The following PODXL2 variants were observed in gnomAD, a reference collection of about 807,000 sequenced individuals.
PODXL2 encodes podocalyxin like 2.
In PODXL2, 17 loss-of-function variants were observed where a neutral mutation model predicts 53.4. The observed-to-expected ratio is 0.32, with a 90% CI of 0.22 to 0.48. PODXL2 has a LOEUF of 0.48. Ranked by LOEUF, PODXL2 falls within the 20% of genes least tolerant of loss-of-function variation. The pLI is 0.99. For missense variants in PODXL2, 673 were observed against 760.0 expected, an observed-to-expected ratio of 0.89 and a Z score of 1.35; for synonymous variants, 311 against 306.7, an observed-to-expected ratio of 1.01 and a Z score of -0.15.
chr3:127,671,761 G>C (rs1001293921), intron 7 of PODXL2, 148 bp downstream of exon 7: 2 of 739,824 alleles, frequency 2.7e-6, no homozygotes, highest in Non-Finnish European at 4.5e-6. Flanking sequence ...ACTGCTGACT[G>C]CTCTGCAGGG....
intron 2 of PODXL2, among the ~76,000 whole-genome samples, chr3:127,655,687 C>T (rs1332555962): frequency 2.6e-5 from 4 of 152,186 alleles, no homozygotes; most frequent in African/African-American, 9.7e-5. Flanking sequence ...ATCTTGAGAG[C>T]TGGTAAGGAA....
At position 127,662,202 on chromosome 3, in the gene PODXL2, G is replaced by A. The variant is rs769890106; in HGVS notation, c.1132-35G>A. Reference sequence around the variant, plus strand: ...TCCCCTGTCCCTTTCCTATGCCTTCGTAACTGTCGCCCTTCTTTCTGTCTC... The same window carrying A: ...TCCCCTGTCCCTTTCCTATGCCTTCATAACTGTCGCCCTTCTTTCTGTCTC... On this transcript the variant is annotated intron_variant, in intron 3 of 7. Transcript: ENST00000342480. 14 of 1,592,314 alleles carry A rather than the reference G, an allele frequency of 8.8e-6. No individual in the cohort carries two copies. The Middle Eastern group carries it at 5.0e-4, about 57-fold the overall frequency.
In PODXL2 at chr3:127,661,066, C is replaced by T. The variant is rs79302738; in HGVS notation, c.1038C>T (p.Ser346=). The T allele has an allele frequency of 3.5e-3, 5,594 of 1,614,234 alleles. 115 individuals are homozygous for T. In the African/African-American group the frequency reaches 0.035, roughly 10 times the overall value. ...CTGGAGACATGGAACTGACACCTTC[C>T]TCTGCTACCTTGGGACAAGAAGATC... ...LAPGDMELTP[S]SATLGQEDLN... is the part of the protein sequence containing the mutation. Residue 346 remains serine, a synonymous_variant, in exon 3 of 8, where the codon TCC becomes TCT. Transcript: ENST00000342480.
At chr3:127,652,879 G>A (rs373302043) in intron 2 of PODXL2, among the ~76,000 whole-genome samples, 2 of 152,242 alleles carry the variant, frequency 1.3e-5, no homozygotes, top group African/African-American at 4.8e-5. Context: ...AGCTGTCCAC[G>A]GCAGCAGGGC....
chr3:127,650,312 A>G (rs1414279238), intron 2 of PODXL2, among the ~76,000 whole-genome samples: 1 of 152,176 alleles, frequency 6.6e-6, no homozygotes, highest in Non-Finnish European at 1.5e-5. Context: ...GAAATATAGG[A>G]GGGAAAAATG....
At chr3:127,639,888 A>G (rs909521963) in intron 2 of PODXL2, among the ~76,000 whole-genome samples, 3 of 152,264 alleles carry the variant, frequency 2.0e-5, no homozygotes, top group Non-Finnish European at 4.4e-5. Flanking sequence ...ATGCTCAGTC[A>G]TGATTCAGAC....
At chr3:127,648,851 G>T (rs966437938) in intron 2 of PODXL2, among the ~76,000 whole-genome samples, 1 of 141,634 alleles carries the variant, frequency 7.1e-6, no homozygotes, top group Non-Finnish European at 1.5e-5. Flanking sequence ...GGAGTGCACT[G>T]GTGCGATCTC....
intron 2 of PODXL2, among the ~76,000 whole-genome samples, chr3:127,645,723 G>A (rs1559874435): frequency 6.6e-6 from 1 of 152,252 alleles, no homozygotes; most frequent in Non-Finnish European, 1.5e-5. Flanking sequence ...GGACATGACA[G>A]AAGAGAAAGT....
chr3:127,629,593 C>T lies in PODXL2; in HGVS notation c.70+304C>T, dbSNP rs563485773. Among the ~76,000 whole-genome samples, 343 of 151,172 alleles carry T rather than the reference C, an allele frequency of 2.3e-3. 2 individuals carry two copies. The highest frequency in any genetic ancestry group is 7.9e-3 in the African/African-American group (327 of 41,288). On this transcript the variant is annotated intron_variant, in intron 1 of 7. Coordinates refer to ENST00000342480, the MANE Select transcript of PODXL2 (RefSeq NM_015720.4). This position sits in a 1 kb window ranked among gnomAD's most constrained non-coding sequence, Gnocchi z 6.4. The stretch of plus-strand genomic sequence containing the variant: ...GTGCGCAGGCTGCTGCCTCGCGGGC[C>T]GGGGGGGCGCGCACGTGTGGGTGTG...
At chr3:127,663,768 C>A (rs989485472) in intron 4 of PODXL2, among the ~76,000 whole-genome samples, 1 of 152,194 alleles carries the variant, frequency 6.6e-6, no homozygotes, top group African/African-American at 2.4e-5. Flanking sequence ...CCCTCATTCC[C>A]TTCATTGGGA....
intron 1 of PODXL2, among the ~76,000 whole-genome samples, chr3:127,635,345 C>A (rs746613140): frequency 2.6e-5 from 4 of 152,196 alleles, no homozygotes; most frequent in Non-Finnish European, 5.9e-5. Context: ...TAGAAACTGA[C>A]CCTTTTGGGG....
chr3:127,672,449 C>G lies in PODXL2; in HGVS notation c.1787C>G (p.Ser596Trp). The G allele has an allele frequency of 6.5e-7, 1 of 1,534,936 alleles. No homozygotes were observed. The highest frequency in any genetic ancestry group is 8.7e-7 in the Non-Finnish European group (1 of 1,143,054). ...LMGGKRDPED[S>W]DVFEEDTHL The stretch of plus-strand genomic sequence containing the variant: ...GGGGGCAAGCGGGACCCCGAGGACT[C>G]GGACGTGTTCGAGGAGGACACGCAC... Residue 596 changes from serine to tryptophan, a missense_variant, in exon 8 of 8, where the codon TCG becomes TGG. Physicochemically the swap from Ser to Trp is radical, Grantham distance 177. This residue lies in a region of PODXL2 where 79 missense variants were observed against 70.5 expected (regional missense o/e 1.12). Coordinates refer to ENST00000342480, the MANE Select transcript of PODXL2 (RefSeq NM_015720.4).
chr3:127,645,789 G>A (rs2074648391), intron 2 of PODXL2, among the ~76,000 whole-genome samples: 1 of 152,224 alleles, frequency 6.6e-6, no homozygotes, highest in Non-Finnish European at 1.5e-5. Flanking sequence ...GGCAGCCCAG[G>A]GGACAGTGGC....
At chr3:127,634,658 G>A (rs889064866) in intron 1 of PODXL2, among the ~76,000 whole-genome samples, 2 of 152,006 alleles carry the variant, frequency 1.3e-5, no homozygotes, top group Non-Finnish European at 2.9e-5. Flanking sequence ...CCTGAGAGGC[G>A]GAGGTTGCAG....
intron 1 of PODXL2, among the ~76,000 whole-genome samples, chr3:127,631,938 G>A (rs1037749050): frequency 2.6e-5 from 4 of 152,202 alleles, no homozygotes; most frequent in African/African-American, 9.7e-5. Flanking sequence ...CAAAATCTTT[G>A]CCAATTCCTA....
chr3:127,654,906 G>C (rs2074712312), intron 2 of PODXL2, among the ~76,000 whole-genome samples: 1 of 152,102 alleles, frequency 6.6e-6, no homozygotes, highest in Non-Finnish European at 1.5e-5. Context: ...TTGCCAACAT[G>C]GCAAAACCCC....
intron 2 of PODXL2, among the ~76,000 whole-genome samples, chr3:127,642,593 G>A (rs1576428144): frequency 6.6e-6 from 1 of 151,926 alleles, no homozygotes; most frequent in Non-Finnish European, 1.5e-5. Flanking sequence ...GAGAATGAAC[G>A]CCGCACCCCC....
Position 127,660,671 on chromosome 3 carries a change from C to G in PODXL2, c.643C>G (p.Pro215Ala). The change falls in exon 3 of 8, where the codon CCA (proline) becomes GCA (alanine). Residue 215 changes from proline to alanine, a missense_variant. This residue lies in a region of PODXL2 where 588 missense variants were observed against 668.3 expected (regional missense o/e 0.88). Transcript: ENST00000342480. ...TTCTCTCACCAGCAGCAGCCAGACC[C>G]CAGGGGCCACCAAAAGCAGGCATGA... is the stretch of plus-strand genomic sequence containing the variant. ...DFSLTSSSQTPGATKSRHEDS... is the reference protein window; with the variant it reads ...DFSLTSSSQTAGATKSRHEDS... The G allele has an allele frequency of 6.2e-7, 1 of 1,614,194 alleles. No homozygotes were observed. Among genetic ancestry groups the G allele is most frequent in the Non-Finnish European group, 8.5e-7 (1 of 1,180,038 alleles).
At chr3:127,642,345 C>CA (rs1253863657) in intron 2 of PODXL2, among the ~76,000 whole-genome samples, 3 of 149,894 alleles carry the variant, frequency 2.0e-5, no homozygotes, top group African/African-American at 7.4e-5. Flanking sequence ...AAACAGAAGA[C>CA]ACAATCAAAT....
Sources: allele counts gnomAD v4.1 joint callset (sites outside exome capture counted in the v4.1 genomes callset), GRCh38; gene constraint gnomAD v4.1.1; regional missense constraint gnomAD v4.1.1; non-coding constraint Gnocchi (gnomAD v3.1); transcripts MANE v1.5; gene names NCBI Gene and HGNC (gene_info 2026-07-23, HGNC 2026-07-21).